The following ESCO1 variants were observed in gnomAD, a reference collection of about 807,000 sequenced individuals.
ESCO1 encodes N-acetyltransferase ESCO1.
Under a neutral mutation model 83.5 loss-of-function variants are expected in ESCO1, and 33 were observed. The observed-to-expected ratio is 0.40, with a 90% CI of 0.30 to 0.53. The LOEUF (loss-of-function observed/expected upper bound fraction) is 0.53, where lower values mean the gene tolerates loss of function less well. Ranked by LOEUF, ESCO1 falls within the 20% of genes least tolerant of loss-of-function variation. The pLI is 0.63. For missense variants in ESCO1, 855 were observed against 968.0 expected, an observed-to-expected ratio of 0.88 and a Z score of 1.55; for synonymous variants, 332 against 324.3, an observed-to-expected ratio of 1.02 and a Z score of -0.25.
chr18:21,573,750 A>G lies in ESCO1; in HGVS notation c.1094T>C (p.Phe365Ser). 6.2e-7 allele frequency: 1 copy of G among 1,614,134 alleles called. No homozygotes were observed. Among genetic ancestry groups the G allele is most frequent in the Non-Finnish European group, 8.5e-7 (1 of 1,180,024 alleles). Residue 365 changes from phenylalanine (F) to serine (S), a missense_variant, in exon 4 of 12, where the codon TTT (phenylalanine) becomes TCT (serine). By Grantham distance (155) the Phe-to-Ser change is radical (BLOSUM62 -2). Around this residue, in one of 2 missense-constraint regions of ESCO1, gnomAD observed 726 missense variants for 699.5 expected, o/e 1.04. Coordinates refer to ENST00000269214, the MANE Select transcript of ESCO1 (RefSeq NM_052911.3). ...AGGCTTTGTTTTTCTACTTGGGAAA[A>G]AACGATTACATTGCACATCCTGATT... ...ETNQDVQCNR[F>S]FPSRKTKPVK...
chr18:21,571,337 A>C (rs1173744918), intron 4 of ESCO1, among the ~76,000 whole-genome samples: 1 of 151,944 alleles, frequency 6.6e-6, no homozygotes, highest in Non-Finnish European at 1.5e-5. Context: ...ACAGGTGTGC[A>C]CCACCACACC....
chr18:21,567,151 A>T (rs779219178), intron 5 of ESCO1, among the ~76,000 whole-genome samples: 1 of 151,168 alleles, frequency 6.6e-6, no homozygotes, highest in Non-Finnish European at 1.5e-5. Context: ...AGTTCAAATA[A>T]TTTTTTTTTC....
intron 8 of ESCO1, among the ~76,000 whole-genome samples, chr18:21,548,658 G>A (rs2038005740): frequency 6.6e-6 from 1 of 151,442 alleles, no homozygotes; most frequent in African/African-American, 2.4e-5. Flanking sequence ...TTTAAAAATT[G>A]GCCAGGCATG....
chr18:21,576,774 C>T (rs1289513805), intron 2 of ESCO1, among the ~76,000 whole-genome samples: 1 of 152,152 alleles, frequency 6.6e-6, no homozygotes, highest in Non-Finnish European at 1.5e-5. Flanking sequence ...GTGGCTCACA[C>T]CTGTAATCCC....
At chr18:21,550,329 G>A (rs1034229055) in intron 8 of ESCO1, among the ~76,000 whole-genome samples, 11 of 152,138 alleles carry the variant, frequency 7.2e-5, no homozygotes, top group Non-Finnish European at 1.3e-4. Flanking sequence ...TCCCAATTAC[G>A]TTGATTAAGT....
intron 2 of ESCO1, among the ~76,000 whole-genome samples, chr18:21,578,864 T>C (rs955857821): frequency 6.6e-6 from 1 of 151,884 alleles, no homozygotes; most frequent in Admixed American, 6.6e-5. Context: ...CGCCTGGCTA[T>C]TTTTTTCTTC....
rs190769499 is a variant in ESCO1, at chr18:21,576,192, A to G, written c.-693-415T>C. Among the ~76,000 whole-genome samples the G allele has an allele frequency of 6.8e-4, 103 of 151,582 alleles. No individual in the cohort carries two copies. In the East Asian group the frequency reaches 9.3e-3, roughly 14 times the overall value. ...TCTATTCCGATTCAAACCCTACTGGAAAAAAAAAGCAATAGAGGGACTAAA... is the reference window on the plus strand; with the variant it reads ...TCTATTCCGATTCAAACCCTACTGGGAAAAAAAAGCAATAGAGGGACTAAA... On this transcript the variant is annotated intron_variant, in intron 2 of 11. Coordinates refer to ENST00000269214, the MANE Select transcript of ESCO1 (RefSeq NM_052911.3).
intron 11 of ESCO1, among the ~76,000 whole-genome samples, chr18:21,530,896 G>T (rs2037759224): frequency 1.3e-5 from 2 of 152,084 alleles, no homozygotes; most frequent in South Asian, 2.1e-4. Context: ...TTCTCGTCAT[G>T]AGGAAAAGAA....
At chr18:21,540,492 T>C in intron 8 of ESCO1, 4 of 1,074,724 alleles carry the variant, frequency 3.7e-6, no homozygotes, top group Non-Finnish European at 4.6e-6. Flanking sequence ...TTGCATGCAG[T>C]AGCCCAGTAT....
intron 2 of ESCO1, among the ~76,000 whole-genome samples, chr18:21,579,786 G>GCT (rs2038469959): frequency 3.9e-5 from 1 of 25,744 alleles, no homozygotes; most frequent in Non-Finnish European, 1.4e-4. Context: ...ACACACACAC[G>GCT]CGCGCGCGCA....
Position 21,574,762 on chromosome 18 carries a change from T to C in ESCO1, c.82A>G (p.Ile28Val). The C allele has an allele frequency of 1.2e-6, 2 of 1,607,260 alleles. No homozygotes were observed. The highest frequency in any genetic ancestry group is 1.7e-6 in the Non-Finnish European group (2 of 1,179,750). Residue 28 changes from isoleucine to valine, a missense_variant, in exon 4 of 12, where the codon ATT becomes GTT. Transcript: ENST00000269214. ...GCTAGATTCTTTTGAGAATCCTGAA[T>C]TTCTGTTTCTGAATTCTTATCGTCA... is the stretch of plus-strand genomic sequence containing the variant. Reference protein sequence around the residue: ...KSDDKNSETEIQDSQKNLAKK... With the variant: ...KSDDKNSETEVQDSQKNLAKK...
chr18:21,536,011 A>G (rs770823437), intron 10 of ESCO1, 31 bp downstream of exon 10: 18 of 1,604,930 alleles, frequency 1.1e-5, no homozygotes, highest in African/African-American at 2.7e-5. Context: ...TTAAACACCA[A>G]ATTACTTAAG....
intron 2 of ESCO1, among the ~76,000 whole-genome samples, chr18:21,583,883 G>C (rs1302117311): frequency 6.6e-6 from 1 of 152,108 alleles, no homozygotes; most frequent in East Asian, 1.9e-4. Context: ...CTTTAATAAA[G>C]CTGTCCAACA....
At chr18:21,544,432 C>T (rs2037945193) in intron 8 of ESCO1, among the ~76,000 whole-genome samples, 1 of 151,224 alleles carries the variant, frequency 6.6e-6, no homozygotes, top group African/African-American at 2.4e-5. Context: ...CCTGGTGAAA[C>T]CTCGTTTCTA....
At chr18:21,537,368 C>T (rs368558491) in intron 9 of ESCO1, among the ~76,000 whole-genome samples, 21 of 152,178 alleles carry the variant, frequency 1.4e-4, no homozygotes, top group East Asian at 3.9e-4. Context: ...CAGAACCCAT[C>T]TTTACAAAAT....
chr18:21,585,464 C>T (rs1253514292), intron 1 of ESCO1, among the ~76,000 whole-genome samples: 1 of 152,070 alleles, frequency 6.6e-6, no homozygotes, highest in African/African-American at 2.4e-5. Context: ...GTCCTGGCCC[C>T]TTTTATAAGA....
chr18:21,574,638 C>T lies in ESCO1; in HGVS notation c.206G>A (p.Arg69Lys). The T allele has an allele frequency of 6.2e-7, 1 of 1,613,906 alleles. No homozygotes were observed. The highest frequency in any genetic ancestry group is 8.5e-7 in the Non-Finnish European group (1 of 1,179,994). ...QPELETRMST[R>K]SSKAASNDKA... is the part of the protein sequence containing the mutation. ...ATCATTAGATGCTGCCTTTGATGAC[C>T]TTGTACTCATGCGTGTTTCCAATTC... The change falls in exon 4 of 12, where the codon AGG becomes AAG. Residue 69 changes from arginine (R) to lysine (K), a missense_variant. Physicochemically the swap from Arg to Lys is conservative, Grantham distance 26. Coordinates refer to ENST00000269214, the MANE Select transcript of ESCO1 (RefSeq NM_052911.3).
At position 21,574,701 on chromosome 18, in the gene ESCO1, T is replaced by C; in HGVS notation, c.143A>G (p.Gln48Arg). 6.2e-7 allele frequency: 1 copy of C among 1,613,324 alleles called. No homozygotes were observed. Among genetic ancestry groups the C allele is most frequent in the African/African-American group, 1.3e-5 (1 of 75,066 alleles). ...TTTACTTTCACTGGAAGATTTAGCC[T>C]GTGATTTTATAGTCTCCTTTGGACC... The part of the protein sequence containing the change: ...KSGPKETIKS[Q>R]AKSSSESKIN... The change falls in exon 4 of 12, where the codon CAG becomes CGG. Residue 48 changes from glutamine (Q) to arginine (R), a missense_variant. Transcript: ENST00000269214.
At chr18:21,553,655 C>T (rs1432551118) in intron 8 of ESCO1, among the ~76,000 whole-genome samples, 1 of 151,544 alleles carries the variant, frequency 6.6e-6, no homozygotes, top group East Asian at 1.9e-4. Flanking sequence ...GTCGGGAGTT[C>T]GAGACCAGCC....
Sources: gnomAD v4.1 joint callset for allele counts (sites outside exome capture counted in the v4.1 genomes callset) on GRCh38, gnomAD v4.1.1 for gene constraint, gnomAD v4.1.1 regional missense constraint, MANE v1.5 for transcripts, NCBI Gene and HGNC (gene_info 2026-07-23, HGNC 2026-07-21) for gene names.